Variants in ESCO2 observed in about 807,000 individuals in gnomAD.
ESCO2 encodes the protein establishment of sister chromatid cohesion N-acetyltransferase 2.
In ESCO2, 51 loss-of-function variants were observed where a neutral mutation model predicts 61.7. That is an observed-to-expected ratio of 0.83 (90% CI 0.66 to 1.04). ESCO2 has a LOEUF of 1.04. Ranked by LOEUF, ESCO2 falls within the 50% of genes least tolerant of loss-of-function variation. The pLI is 0.00. For synonymous variants in ESCO2, 230 were observed against 238.2 expected (o/e 0.97, Z 0.32); for missense variants, 692 against 686.2 (o/e 1.01, Z -0.09).
At chr8:27,805,541 A>G (rs544212165), downstream of ESCO2, among the ~76,000 whole-genome samples, 2 of 152,194 alleles carry the variant, frequency 1.3e-5, no homozygotes, top group East Asian at 3.9e-4. Flanking sequence ...TAAGTATAAC[A>G]CATACAAGAA....
At chr8:27,788,816 A>C in intron 6 of ESCO2, 31 bp from the exon 7 acceptor site, 2 of 1,613,656 alleles carry the variant, frequency 1.2e-6, no homozygotes, top group Non-Finnish European at 1.7e-6. Flanking sequence ...CTATATTTAA[A>C]TGGGTTTCTT....
Position 27,803,524 on chromosome 8 carries a change from TAAA to T in ESCO2, c.*90_*92del. On this transcript the variant is annotated 3_prime_UTR_variant, in exon 11 of 11. Transcript: ENST00000305188. ...AAATACAAACTATTTAATATCAAAATAAAAAATACCGAGACTCACACTCATACA... is the reference window on the plus strand; with the variant it reads ...AAATACAAACTATTTAATATCAAAATAAATACCGAGACTCACACTCATACA... 1.3e-6 allele frequency: 2 copies of T among 1,539,626 alleles called. No homozygotes were observed. Among genetic ancestry groups the T allele is most frequent in the East Asian group, 2.5e-5 (1 of 40,260 alleles).
downstream of ESCO2, chr8:27,810,175 C>A: frequency 3.1e-6 from 2 of 647,050 alleles, no homozygotes; most frequent in Admixed American, 3.0e-5. Context: ...AATAGTTATC[C>A]ATATGTTAAC....
rs1485907673 is a variant in ESCO2, at chr8:27,783,985, T to C, written c.956-15T>C. On this transcript the variant is annotated splice_polypyrimidine_tract_variant and intron_variant, in intron 4 of 10. Transcript: ENST00000305188. Reference sequence around the variant, plus strand: ...TATTTGGTAATACACATTATCATGATTTTTCCCCTACCAGTTTCTCCTAAG... The same window carrying C: ...TATTTGGTAATACACATTATCATGACTTTTCCCCTACCAGTTTCTCCTAAG... 5.0e-6 allele frequency: 8 copies of C among 1,605,896 alleles called. No individual in the cohort carries two copies. Among genetic ancestry groups the C allele is most frequent in the Non-Finnish European group, 6.8e-6 (8 of 1,172,736 alleles).
chr8:27,783,758 T>C (rs1322219668), intron 4 of ESCO2, among the ~76,000 whole-genome samples: 14 of 152,312 alleles, frequency 9.2e-5, no homozygotes, highest in Non-Finnish European at 1.5e-5. Flanking sequence ...TACATTTAGA[T>C]CTGTGATCCA....
At chr8:27,816,905 T>C (rs1164589082), downstream of ESCO2, among the ~76,000 whole-genome samples, 2 of 152,114 alleles carry the variant, frequency 1.3e-5, no homozygotes, top group Admixed American at 6.6e-5. Context: ...CCACCCCTTA[T>C]TGGTGGACAT....
At chr8:27,783,614 T>C (rs939361200) in intron 4 of ESCO2, among the ~76,000 whole-genome samples, 2 of 148,090 alleles carry the variant, frequency 1.4e-5, no homozygotes, top group Admixed American at 6.6e-5. Flanking sequence ...TTATTATTAA[T>C]TTTTTTACAG....
At chr8:27,801,162 A>G (rs1317074976) in intron 10 of ESCO2, among the ~76,000 whole-genome samples, 1 of 152,204 alleles carries the variant, frequency 6.6e-6, no homozygotes, top group African/African-American at 2.4e-5. Flanking sequence ...AACTGACACT[A>G]TGTATTGATG....
intron 4 of ESCO2, among the ~76,000 whole-genome samples, chr8:27,781,096 T>C (rs1162232566): frequency 6.6e-6 from 1 of 152,126 alleles, no homozygotes; most frequent in Admixed American, 6.5e-5. Context: ...ATAAAAATAA[T>C]ACAAATGGTA....
At chr8:27,780,996 CAAA>C (rs1025635592) in intron 4 of ESCO2, among the ~76,000 whole-genome samples, 3 of 151,590 alleles carry the variant, frequency 2.0e-5, no homozygotes, top group South Asian at 4.1e-4. Flanking sequence ...GAAAATATAA[CAAA>C]AAGGCATCTA....
At chr8:27,811,727 A>G (rs1466678592), downstream of ESCO2, among the ~76,000 whole-genome samples, 1 of 152,208 alleles carries the variant, frequency 6.6e-6, no homozygotes, top group Non-Finnish European at 1.5e-5. Context: ...CTCTGGATCA[A>G]TTTAGTAAGC....
chr8:27,818,762 C>T, the ESCO2 span, among the ~76,000 whole-genome samples: 1 of 151,846 alleles, frequency 6.6e-6, no homozygotes, highest in South Asian at 2.1e-4. Flanking sequence ...ATGGAGGTAC[C>T]CATGGCTTTT....
chr8:27,805,304 AAAAAAAAAAAAAAG>A (rs1361659336), exon 11 of ESCO2: 4 of 150,288 alleles, frequency 2.7e-5, no homozygotes, highest in African/African-American at 7.4e-5. Flanking sequence ...AAAAAAAAAA[AAAAAAAAAAAAAAG>A]AAGAGGCTTC....
intron 7 of ESCO2, 48 bp downstream of exon 7, chr8:27,789,026 A>G (rs1273794037): frequency 2.5e-6 from 4 of 1,612,396 alleles, no homozygotes; most frequent in African/African-American, 2.7e-5. Flanking sequence ...TAAAACTAAA[A>G]GAGACATTTC....
At chr8:27,802,380 A>G (rs1805450237) in intron 10 of ESCO2, among the ~76,000 whole-genome samples, 1 of 150,388 alleles carries the variant, frequency 6.6e-6, no homozygotes, top group African/African-American at 2.4e-5. Flanking sequence ...TGGATTACCT[A>G]AGGTTGGAAG....
In ESCO2 at chr8:27,776,809, A is replaced by C; in HGVS notation, c.501A>C (p.Gln167His). The change falls in exon 3 of 11, where the codon CAA (glutamine) becomes CAC (histidine). Residue 167 changes from glutamine to histidine, a missense_variant. Transcript: ENST00000305188. ...CAAGGAATTCTAGAAATTCCAAGCA[A>C]AATCGAGTGATCTATAAGCCAATTG... ...PVSRNSRNSK[Q>H]NRVIYKPIVE... 1 of 1,614,168 alleles carries C rather than the reference A, an allele frequency of 6.2e-7. No homozygotes were observed. Among genetic ancestry groups the C allele is most frequent in the South Asian group, 1.1e-5 (1 of 91,088 alleles).
At chr8:27,812,305 C>G (rs1358952417), downstream of ESCO2, 1 of 152,068 alleles carries the variant, frequency 6.6e-6, no homozygotes, top group Non-Finnish European at 1.5e-5. Flanking sequence ...TTTTCGGTAT[C>G]TATTGAGATA....
chr8:27,775,324 G>A (rs1459698086), intron 1 of ESCO2, among the ~76,000 whole-genome samples, 175 bp from the exon 2 acceptor site: 1 of 152,186 alleles, frequency 6.6e-6, no homozygotes, highest in African/African-American at 2.4e-5. Context: ...GGGTGCCATG[G>A]AAGCAGAACA....
At chr8:27,788,780 A>T (rs1248734292) in intron 6 of ESCO2, 67 bp from the exon 7 acceptor site, 5 of 1,592,656 alleles carry the variant, frequency 3.1e-6, no homozygotes, top group Admixed American at 1.7e-5. Flanking sequence ...GAATGGTTAT[A>T]GGAACTTAAT....
Sources: gnomAD v4.1 joint callset for allele counts (sites outside exome capture counted in the v4.1 genomes callset) on GRCh38, gnomAD v4.1.1 for gene constraint, MANE v1.5 for transcripts, NCBI Gene and HGNC (gene_info 2026-07-23, HGNC 2026-07-21) for gene names.